The following ESPN variants were observed in gnomAD, a reference collection of about 807,000 sequenced individuals.
ESPN encodes the protein autosomal recessive deafness type 36 protein.
ESPN carries 68 observed loss-of-function variants against 77.7 expected under a neutral mutation model. The ratio of observed to expected loss-of-function variants is 0.87; its 90% confidence interval spans 0.72 to 1.07. The LOEUF (loss-of-function observed/expected upper bound fraction) is 1.07, where lower values mean the gene tolerates loss of function less well. ESPN is among the 50% of genes least tolerant of loss of function. The probability of loss-of-function intolerance (pLI) is 0.00; values close to 1 mark genes in which losing one functional copy is unlikely to be tolerated. For synonymous variants in ESPN, 449 were observed against 567.1 expected (o/e 0.79, Z 2.96); for missense variants, 1,060 against 1,239.0 (o/e 0.86, Z 2.17).
At position 6,444,536 on chromosome 1, in the gene ESPN, A is replaced by G. The variant is rs1643757477; in HGVS notation, c.1046A>G (p.Gln349Arg). Residue 349 changes from glutamine to arginine, a missense_variant, in exon 6 of 13, where the codon CAG (glutamine) becomes CGG (arginine). By Grantham distance (43) the Gln-to-Arg change is conservative. Coordinates refer to ENST00000645284, the MANE Select transcript of ESPN (RefSeq NM_031475.3). ...CCATCCGCAGAGCTGGAGGCTAAGC[A>G]GCCGGATTCAGGCATGTCCTCACCC... Reference protein sequence around the residue: ...RDPSAELEAKQPDSGMSSPNT... With the variant: ...RDPSAELEAKRPDSGMSSPNT... The G allele has an allele frequency of 1.2e-6, 2 of 1,614,218 alleles. No individual in the cohort carries two copies. Among genetic ancestry groups the G allele is most frequent in the East Asian group, 4.5e-5 (2 of 44,882 alleles).
At chr1:6,452,371 A>C (rs1379932425) in intron 10 of ESPN, among the ~76,000 whole-genome samples, 5 of 151,606 alleles carry the variant, frequency 3.3e-5, no homozygotes, top group Admixed American at 1.3e-4. Flanking sequence ...CGCCCAGCTA[A>C]TTTTTTTGTA....
At position 6,427,131 on chromosome 1, in the gene ESPN, A is replaced by C. The variant is rs904968028; in HGVS notation, c.295-1095A>C. 6.6e-6 allele frequency among the ~76,000 whole-genome samples: 1 copy of C among 151,938 alleles called. No individual in the cohort carries two copies. The highest frequency in any genetic ancestry group is 6.6e-5 in the Admixed American group (1 of 15,258). On this transcript the variant is annotated intron_variant, in intron 1 of 12. Transcript: ENST00000645284. The surrounding 1 kb of genome is among the most constrained non-coding windows in gnomAD (Gnocchi z 4.6). Reference sequence around the variant, plus strand: ...CTTGCCAGCTCCTGCCGCCTCTGCCAGTCTGTAACCACAGTGCCCTCTCTC... The same window carrying C: ...CTTGCCAGCTCCTGCCGCCTCTGCCCGTCTGTAACCACAGTGCCCTCTCTC...
intron 2 of ESPN, among the ~76,000 whole-genome samples, chr1:6,431,092 G>A (rs1643229246): frequency 6.6e-6 from 1 of 152,252 alleles, no homozygotes; most frequent in South Asian, 2.1e-4. Flanking sequence ...CAGCTGGGCA[G>A]GGCTGTGGGG....
chr1:6,445,328 AG>A (rs1643790488), intron 6 of ESPN, among the ~76,000 whole-genome samples: 1 of 152,366 alleles, frequency 6.6e-6, no homozygotes, highest in African/African-American at 2.4e-5. Flanking sequence ...CAGACCTGGC[AG>A]GGGTGCCCTG....
intron 10 of ESPN, chr1:6,455,947 C>T: frequency 5.0e-6 from 2 of 398,788 alleles, no homozygotes; most frequent in Non-Finnish European, 4.4e-6. Context: ...GAAGAGGCTG[C>T]TCCATTTCAG....
Position 6,440,925 on chromosome 1 carries a change from C to A in ESPN, c.859-9C>A. 1 of 1,564,420 alleles carries A rather than the reference C, an allele frequency of 6.4e-7. No homozygotes were observed. The highest frequency in any genetic ancestry group is 8.6e-7 in the Non-Finnish European group (1 of 1,156,214). On this transcript the variant is annotated splice_polypyrimidine_tract_variant and intron_variant, in intron 4 of 12. Transcript: ENST00000645284. ...GCCGCGGCCGGGTCCTCACTGCGTG[C>A]CCCCGCAGTGCTGCCAGATCCTGGT...
Position 6,447,207 on chromosome 1 carries a change from A to G in ESPN, c.1464+1272A>G, listed in dbSNP as rs79090983. The G allele has an allele frequency of 4.8e-5, 7 of 145,220 alleles. No individual in the cohort carries two copies. The highest frequency in any genetic ancestry group is 1.0e-4 in the Non-Finnish European group (7 of 66,736). The allele number at this position is 145,220 out of a possible 1,614,324, so 9.0% of individuals were successfully genotyped here. A position where few individuals can be genotyped will look rare whatever the true frequency, so the allele number is the denominator to read the frequency against. The stretch of plus-strand genomic sequence containing the variant: ...CTCCCGGCTGTGTGCGCCCCTCCCC[A>G]CTGTGTGCGCCCCTCCCGGCTATGT... On this transcript the variant is annotated intron_variant, in intron 7 of 12. Coordinates refer to ENST00000645284, the MANE Select transcript of ESPN (RefSeq NM_031475.3). The surrounding 1 kb of genome is among the most constrained non-coding windows in gnomAD (Gnocchi z 5.2).
chr1:6,449,045 C>G lies in ESPN; in HGVS notation c.1869C>G (p.Ser623Arg). ...CGGCCCCGCCTCTGCCCCTCGAGAG[C>G]GCTGGCCCTGGCTGCGGGCAGCGCC... is the stretch of plus-strand genomic sequence containing the variant. ...PPPAPPLPLE[S>R]AGPGCGQRRS... Residue 623 changes from serine to arginine, a missense_variant, in exon 8 of 13, where the codon AGC becomes AGG. Transcript: ENST00000645284. 1 of 1,484,758 alleles carries G rather than the reference C, an allele frequency of 6.7e-7. No individual in the cohort carries two copies. The highest frequency in any genetic ancestry group is 1.3e-5 in the South Asian group (1 of 78,574). The allele number at this position is 1,484,758 out of a possible 1,614,324, so 92.0% of individuals were successfully genotyped here.
In ESPN at chr1:6,424,788, A is replaced by AGCGGAGCGCCAGGCAGC. The variant is rs1642971844; in HGVS notation, c.-159_-143dup. On this transcript the variant is annotated 5_prime_UTR_variant, in exon 1 of 13. Transcript: ENST00000645284. The stretch of plus-strand genomic sequence containing the variant: ...GGGCTCCGGCCCCAGAGCGCGGCGG[A>AGCGGAGCGCCAGGCAGC]GCGGAGCGCCAGGCAGCGCGGAGCG... The AGCGGAGCGCCAGGCAGC allele has an allele frequency of 4.4e-6, 3 of 686,542 alleles. No homozygotes were observed. The highest frequency in any genetic ancestry group is 3.8e-5 in the African/African-American group (2 of 52,410). 42.5% of individuals were successfully genotyped at this position (686,542 alleles called of 1,614,324 possible). A position where few individuals can be genotyped will look rare whatever the true frequency, so the allele number is the denominator to read the frequency against.
At chr1:6,440,596 C>CCCCCCCCAAAAG in intron 3 of ESPN, 30 bp from the exon 4 acceptor site, 1 of 1,127,588 alleles carries the variant, frequency 8.9e-7, no homozygotes, top group Non-Finnish European at 1.2e-6. Flanking sequence ...GCCCAGCCCC[C>CCCCCCCCAAAAG]GCCCCCCTCT....
intron 10 of ESPN, chr1:6,454,898 G>T: frequency 2.6e-6 from 1 of 388,304 alleles, no homozygotes; most frequent in Non-Finnish European, 4.6e-6. Context: ...GCTCGCACTC[G>T]CTCAGCTGGT....
intron 10 of ESPN, among the ~76,000 whole-genome samples, chr1:6,454,260 C>A (rs1160789643): frequency 6.6e-6 from 1 of 152,274 alleles, no homozygotes; most frequent in Non-Finnish European, 1.5e-5. Flanking sequence ...CGGCTCAGGC[C>A]GAAGCCTCAC....
chr1:6,448,402 C>T, intron 7 of ESPN: 1 of 497,472 alleles, frequency 2.0e-6, no homozygotes, highest in Non-Finnish European at 3.5e-6. Flanking sequence ...CCCCTGTGCC[C>T]CTTGGCCGGT....
Position 6,444,826 on chromosome 1 carries a change from A to G in ESPN, c.1192+144A>G, listed in dbSNP as rs188386249. ...TTGCTCTTAAACATGGGGAGGCGAC[A>G]CCCCTTCTGGTGAGAGACAGATGTC... On this transcript the variant is annotated intron_variant, in intron 6 of 12. Transcript: ENST00000645284. 8.2e-5 allele frequency: 76 copies of G among 930,744 alleles called. No homozygotes were observed. In the African/African-American group the frequency reaches 1.1e-3, roughly 14 times the overall value. The allele number at this position is 930,744 out of a possible 1,614,324, so 57.7% of individuals were successfully genotyped here.
rs1460708037 is a variant in ESPN at position 6,448,935 on chromosome 1, G to A, written c.1759G>A (p.Ala587Thr). Residue 587 changes from alanine (A) to threonine (T), a missense_variant, in exon 8 of 13, where the codon GCG becomes ACG. Ala to Thr is a moderately conservative substitution (Grantham distance 58, BLOSUM62 0). Around this residue, in one of 3 missense-constraint regions of ESPN, gnomAD observed 374 missense variants for 381.4 expected, o/e 0.98. Coordinates refer to ENST00000645284, the MANE Select transcript of ESPN (RefSeq NM_031475.3). ...GAACCATGTTCCTAACGGCTGCGCC[G>A]CGGACCCCAAGGCGTCCAGGGAGCT... ...PGNHVPNGCAADPKASRELPP... is the reference protein window; with the variant it reads ...PGNHVPNGCATDPKASRELPP... 4.3e-6 allele frequency: 6 copies of A among 1,396,892 alleles called. No homozygotes were observed. The highest frequency in any genetic ancestry group is 5.6e-6 in the Non-Finnish European group (6 of 1,080,196). 86.5% of individuals were successfully genotyped at this position (1,396,892 alleles called of 1,614,324 possible).
At chr1:6,425,990 G>C (rs1008036860) in intron 1 of ESPN, among the ~76,000 whole-genome samples, 2 of 152,250 alleles carry the variant, frequency 1.3e-5, no homozygotes, top group African/African-American at 4.8e-5. Flanking sequence ...ATCATGTTCA[G>C]AGTGGGTGAG....
Position 6,425,151 on chromosome 1 carries a change from C to T in ESPN, c.196C>T (p.Arg66Cys), listed in dbSNP as rs553906395. The stretch of plus-strand genomic sequence containing the variant: ...GGAAGCCGCCCTCCCCGCCGCGGCC[C>T]GCGCCCGCAACGGCGCCACACCGGC... Reference protein sequence around the residue: ...VEEAALPAAARARNGATPAHD... With the variant: ...VEEAALPAAACARNGATPAHD... Residue 66 changes from arginine (R) to cysteine (C), a missense_variant, in exon 1 of 13, where the codon CGC becomes TGC. By Grantham distance (180) the Arg-to-Cys change is radical. Transcript: ENST00000645284. 2 of 1,513,448 alleles carry T rather than the reference C, an allele frequency of 1.3e-6. No homozygotes were observed. The highest frequency in any genetic ancestry group is 1.8e-6 in the Non-Finnish European group (2 of 1,138,812). The allele number at this position is 1,513,448 out of a possible 1,614,324, so 93.8% of individuals were successfully genotyped here.
intron 10 of ESPN, chr1:6,454,873 C>T (rs1569743969): frequency 7.7e-6 from 3 of 390,568 alleles, no homozygotes; most frequent in Non-Finnish European, 9.1e-6. Context: ...CTGCCCGGGC[C>T]GCTCTGCCTG....
chr1:6,428,502 G>T lies in ESPN; in HGVS notation c.488+83G>T. On this transcript the variant is annotated intron_variant, in intron 2 of 12. Transcript: ENST00000645284. The surrounding 1 kb of genome is among the most constrained non-coding windows in gnomAD (Gnocchi z 5.4). ...TGCCTGGGATTTTCCACGCCTCTCT[G>T]GCACTCCAGGGCAATGATCCCTCCA... The T allele has an allele frequency of 8.3e-7, 1 of 1,208,518 alleles. No individual in the cohort carries two copies. The highest frequency in any genetic ancestry group is 2.5e-5 in the East Asian group (1 of 40,482). 74.9% of individuals were successfully genotyped at this position (1,208,518 alleles called of 1,614,324 possible).
Sources: allele counts gnomAD v4.1 joint callset (sites outside exome capture counted in the v4.1 genomes callset), GRCh38; gene constraint gnomAD v4.1.1; regional missense constraint gnomAD v4.1.1; non-coding constraint Gnocchi (gnomAD v3.1); transcripts MANE v1.5; gene names NCBI Gene and HGNC (gene_info 2026-07-23, HGNC 2026-07-21).